Variants in ENSA observed in about 807,000 individuals in gnomAD.
ENSA encodes endosulfine alpha, also known as alpha-endosulfine.
A neutral mutation model predicts 16.8 loss-of-function variants in ENSA; 7 were observed. The observed-to-expected ratio is 0.42, with a 90% confidence interval of 0.24 to 0.78. The LOEUF is 0.78. ENSA is among the 30% of genes least tolerant of loss of function. ENSA has a pLI of 0.29. For missense variants in ENSA, 87 were observed against 142.3 expected (o/e 0.61, Z 1.98); for synonymous variants, 58 against 53.4 (o/e 1.09, Z -0.37).
chr1:150,628,844 C>T (rs1649534311), intron 1 of ENSA, among the ~76,000 whole-genome samples: 1 of 152,158 alleles, frequency 6.6e-6, no homozygotes. Flanking sequence ...AACTCTAGCC[C>T]TCTTCAATAT....
intron 3 of ENSA, chr1:150,624,621 T>C: frequency 4.1e-5 from 40 of 985,778 alleles, no homozygotes; most frequent in Non-Finnish European, 4.8e-5. Context: ...AAGGTTCTCT[T>C]GCCTGAATTT....
intron 1 of ENSA, chr1:150,629,098 C>G (rs1571018401): frequency 6.2e-7 from 1 of 1,614,174 alleles, no homozygotes; most frequent in Non-Finnish European, 8.5e-7. Context: ...CCCAAGACCA[C>G]CAGCCATCCC....
chr1:150,628,941 A>T (rs1216945964), intron 1 of ENSA: 19 of 972,328 alleles, frequency 2.0e-5, no homozygotes, highest in Middle Eastern at 2.1e-4. Flanking sequence ...TAAACTAGCC[A>T]TTATAATAAC....
intron 2 of ENSA, 184 bp downstream of exon 2, chr1:150,627,282 GA>G (rs1432725819): frequency 6.4e-7 from 1 of 1,556,116 alleles, no homozygotes; most frequent in Non-Finnish European, 8.7e-7. Flanking sequence ...GGGAAATCAG[GA>G]GGGAATTGAT....
chr1:150,623,488 C>G (rs1448720084), intron 3 of ENSA: 1 of 985,614 alleles, frequency 1.0e-6, no homozygotes, highest in Non-Finnish European at 1.2e-6. Flanking sequence ...CCCTGCTCCT[C>G]CTATTCCTTC....
chr1:150,625,927 T>C, intron 2 of ENSA, 119 bp from the exon 3 acceptor site: 2 of 1,426,434 alleles, frequency 1.4e-6, no homozygotes, highest in Non-Finnish European at 1.8e-6. Flanking sequence ...TCAAGAAGTC[T>C]TCCTTGATTA....
At chr1:150,628,141 A>G (rs958883394) in intron 1 of ENSA, among the ~76,000 whole-genome samples, 1 of 152,228 alleles carries the variant, frequency 6.6e-6, no homozygotes, top group Non-Finnish European at 1.5e-5. Flanking sequence ...TACAACAACA[A>G]AAAATAGTTT....
chr1:150,629,299 G>A, intron 1 of ENSA, 115 bp downstream of exon 1: 2 of 1,531,806 alleles, frequency 1.3e-6, no homozygotes, highest in Non-Finnish European at 1.8e-6. Flanking sequence ...GACGCAAAAA[G>A]TGGCCAACCC....
chr1:150,626,558 TAA>T, intron 2 of ENSA: 1 of 1,601,256 alleles, frequency 6.2e-7, no homozygotes, highest in Non-Finnish European at 8.5e-7. Context: ...GTAAGGAAAA[TAA>T]AAAAATTTTT....
At chr1:150,624,954 C>T (rs1162250983) in intron 3 of ENSA, 2 of 984,404 alleles carry the variant, frequency 2.0e-6, no homozygotes, top group African/African-American at 3.5e-5. Context: ...AACCAGTGCT[C>T]GTCCCACTAT....
At chr1:150,623,743 G>A in intron 3 of ENSA, 1 of 985,610 alleles carries the variant, frequency 1.0e-6, no homozygotes, top group Non-Finnish European at 1.2e-6. Context: ...TGGACTTTAA[G>A]GATGACAGCA....
Position 150,622,864 on chromosome 1 carries a change from GGAC to G in ENSA, c.351-8_351-6del. 6.5e-7 allele frequency: 1 copy of G among 1,549,108 alleles called. No individual in the cohort carries two copies. The highest frequency in any genetic ancestry group is 8.7e-7 in the Non-Finnish European group (1 of 1,146,970). ...CAGCATCATTCAACTTGGCCACTGC[GGAC>G]GAACACAGAAGAAAAAAAAAAAAAA... is the stretch of plus-strand genomic sequence containing the variant. On this transcript the variant is annotated splice_region_variant and splice_polypyrimidine_tract_variant and intron_variant, in intron 3 of 3. Transcript: ENST00000369014.
In ENSA at chr1:150,626,417, C is replaced by T. The variant is rs1177513727; in HGVS notation, c.184-609G>A. 10 of 1,518,142 alleles carry T rather than the reference C, an allele frequency of 6.6e-6. No individual in the cohort carries two copies. The East Asian group carries it at 2.3e-4, about 34-fold the overall frequency. 94.0% of individuals were successfully genotyped at this position (1,518,142 alleles called of 1,614,324 possible). ...CAGCAAGGTAAATGCAAATCAGCATCACATTATCATCTGTGACTAAGACTC... is the reference window on the plus strand; with the variant it reads ...CAGCAAGGTAAATGCAAATCAGCATTACATTATCATCTGTGACTAAGACTC... On this transcript the variant is annotated intron_variant, in intron 2 of 3. Transcript: ENST00000369014.
intron 3 of ENSA, chr1:150,624,426 A>T (rs1435450644): frequency 1.0e-6 from 1 of 985,820 alleles, no homozygotes; most frequent in African/African-American, 1.7e-5. Context: ...TGCATCTGAA[A>T]CATGGGTCAA....
At chr1:150,623,211 T>G in intron 3 of ENSA, 1 of 1,086,866 alleles carries the variant, frequency 9.2e-7, no homozygotes. Context: ...CACAGCTACT[T>G]GCAAAGACTG....
At chr1:150,624,725 C>A (rs1649182107) in intron 3 of ENSA, 1 of 985,358 alleles carries the variant, frequency 1.0e-6, no homozygotes, top group African/African-American at 1.7e-5. Flanking sequence ...CAGAGGTTCA[C>A]CACCCACGAG....
chr1:150,622,810 A>G lies in ENSA; in HGVS notation c.*34T>C. The G allele has an allele frequency of 6.4e-7, 1 of 1,554,452 alleles. No individual in the cohort carries two copies. The highest frequency in any genetic ancestry group is 8.7e-7 in the Non-Finnish European group (1 of 1,148,722). On this transcript the variant is annotated 3_prime_UTR_variant, in exon 4 of 4. Transcript: ENST00000369014. ...GGACCCGGGTGGGGCAGGGAGGGGA[A>G]GCGTCTCAGGATCTGGCAGAGCCCC...
At chr1:150,629,123 T>C in intron 1 of ENSA, 1 of 1,614,054 alleles carries the variant, frequency 6.2e-7, no homozygotes, top group Non-Finnish European at 8.5e-7. Flanking sequence ...CCATTCACCG[T>C]CTTTCCAACC....
In ENSA at chr1:150,622,539, A is replaced by G. The variant is rs6682136; in HGVS notation, c.*305T>C. 4,185 of 327,330 alleles carry G rather than the reference A, an allele frequency of 0.013. 191 individuals carry two copies. Among genetic ancestry groups the G allele is most frequent in the African/African-American group, 0.086 (3,925 of 45,728 alleles). The allele number at this position is 327,330 out of a possible 1,614,324, so 20.3% of individuals were successfully genotyped here. On this transcript the variant is annotated 3_prime_UTR_variant, in exon 4 of 4. Coordinates refer to ENST00000369014, the MANE Select transcript of ENSA (RefSeq NM_004436.4). ...TTTTACCAACTCCAAGCCCTAATTC[A>G]TACTCCTCCATATCTCCCACCCCAC...
Sources: gnomAD v4.1 joint callset for allele counts (sites outside exome capture counted in the v4.1 genomes callset) on GRCh38, gnomAD v4.1.1 for gene constraint, MANE v1.5 for transcripts, NCBI Gene and HGNC (gene_info 2026-07-23, HGNC 2026-07-21) for gene names.